The following GNA14 variants were observed in gnomAD, a reference collection of about 807,000 sequenced individuals.
The protein encoded by GNA14 is G protein subunit alpha 14.
A neutral mutation model predicts 42.0 loss-of-function variants in GNA14; 50 were observed. The ratio of observed to expected loss-of-function variants is 1.19; its 90% CI spans 0.95 to 1.51. The LOEUF (loss-of-function observed/expected upper bound fraction) is 1.51. Among genes scored for constraint, GNA14 ranks in the 40% most tolerant of loss-of-function variants. The pLI is 0.00. For synonymous variants in GNA14, 173 were observed against 163.1 expected (o/e 1.06, Z -0.46); for missense variants, 473 against 446.2 (o/e 1.06, Z -0.54).
chr9:77,638,191 A>G (rs1824211561), intron 1 of GNA14, among the ~76,000 whole-genome samples: 1 of 152,206 alleles, frequency 6.6e-6, no homozygotes, highest in Non-Finnish European at 1.5e-5. Context: ...TCATTATTAA[A>G]ACATTGCACC....
At chr9:77,515,145 C>T (rs12005601) in intron 2 of GNA14, among the ~76,000 whole-genome samples, 28,612 of 152,026 alleles carry the variant, frequency 0.19, 2,955 homozygotes, top group East Asian at 0.39. Context: ...AAAAAAATCA[C>T]ATTCCTTTGC....
chr9:77,538,512 T>C (rs1371177506), intron 1 of GNA14, among the ~76,000 whole-genome samples: 1 of 152,218 alleles, frequency 6.6e-6, no homozygotes, highest in Non-Finnish European at 1.5e-5. Context: ...ACCTGTGGAT[T>C]ACTTTTGGAA....
At chr9:77,586,338 G>T (rs1042671924) in intron 1 of GNA14, among the ~76,000 whole-genome samples, 1 of 152,008 alleles carries the variant, frequency 6.6e-6, no homozygotes. Flanking sequence ...TTTAAAAAAG[G>T]TCAAAAAATG....
At chr9:77,445,974 A>G (rs930761439) in intron 2 of GNA14, among the ~76,000 whole-genome samples, 5 of 152,184 alleles carry the variant, frequency 3.3e-5, no homozygotes, top group East Asian at 1.9e-4. Context: ...GTCTGTGCCT[A>G]TCTTCAGAAT....
chr9:77,509,510 T>A (rs940990731), intron 2 of GNA14, among the ~76,000 whole-genome samples: 1 of 152,180 alleles, frequency 6.6e-6, no homozygotes, highest in African/African-American at 2.4e-5. Flanking sequence ...CCCAGTGAGT[T>A]TTCTAAAAAG....
rs1182913068 is a variant in GNA14 at position 77,428,071 on chromosome 9, C to CTTTTTTTTTTT, written c.723+825_723+835dup. 5.4e-5 allele frequency among the ~76,000 whole-genome samples: 7 copies of CTTTTTTTTTTT among 130,676 alleles called. 1 individual carries two copies. In the East Asian group the frequency reaches 9.0e-4, roughly 17 times the overall value. 85.7% of individuals were successfully genotyped at this position (130,676 alleles called of 152,430 possible). On this transcript the variant is annotated intron_variant, in intron 5 of 6. Transcript: ENST00000341700. ...TTCAGTCCAAGAGATGGCATTTTTT[C>CTTTTTTTTTTT]TTTTTTTTTTTCTTTTTTTTTTTTT...
chr9:77,596,789 C>G (rs1322051329), intron 1 of GNA14, among the ~76,000 whole-genome samples: 1 of 152,200 alleles, frequency 6.6e-6, no homozygotes, highest in Non-Finnish European at 1.5e-5. Flanking sequence ...AAATGCATAT[C>G]TGATTGCCTC....
intron 1 of GNA14, among the ~76,000 whole-genome samples, chr9:77,640,742 TA>T (rs1423428434): frequency 6.6e-6 from 1 of 151,406 alleles, no homozygotes; most frequent in Non-Finnish European, 1.5e-5. Context: ...AGATTTTTTT[TA>T]AAAGATCCAG....
intron 1 of GNA14, among the ~76,000 whole-genome samples, chr9:77,549,521 T>C (rs1407757622): frequency 2.6e-5 from 4 of 152,180 alleles, no homozygotes; most frequent in Non-Finnish European, 4.4e-5. Context: ...TTCAGTTGTT[T>C]TGAAATGTTT....
intron 2 of GNA14, among the ~76,000 whole-genome samples, chr9:77,520,795 A>C (rs977383504): frequency 6.6e-6 from 1 of 152,154 alleles, no homozygotes; most frequent in Non-Finnish European, 1.5e-5. Context: ...ATTGTTTGTA[A>C]CTTTACAGGA....
At chr9:77,576,516 C>T (rs1196393301) in intron 1 of GNA14, among the ~76,000 whole-genome samples, 1 of 152,020 alleles carries the variant, frequency 6.6e-6, no homozygotes, top group Non-Finnish European at 1.5e-5. Flanking sequence ...ACAATACTAC[C>T]ACTGAAGAGT....
At chr9:77,479,901 G>A (rs1295545096) in intron 2 of GNA14, among the ~76,000 whole-genome samples, 1 of 152,068 alleles carries the variant, frequency 6.6e-6, no homozygotes, top group Non-Finnish European at 1.5e-5. Context: ...CATTGATTTT[G>A]TATCCTGAGA....
intron 2 of GNA14, among the ~76,000 whole-genome samples, chr9:77,447,682 G>A (rs1234225131): frequency 6.6e-6 from 1 of 152,166 alleles, no homozygotes; most frequent in African/African-American, 2.4e-5. Flanking sequence ...ACTCCAGCAA[G>A]TGAGTACACC....
intron 2 of GNA14, among the ~76,000 whole-genome samples, chr9:77,457,099 A>G (rs961662174): frequency 6.6e-5 from 10 of 152,224 alleles, no homozygotes; most frequent in Non-Finnish European, 1.3e-4. Flanking sequence ...CCTAACACTT[A>G]CAAAGTTTCA....
chr9:77,623,255 G>GAAAAAAAAAAAAAAAAAAAAA (rs1823961117), intron 1 of GNA14, among the ~76,000 whole-genome samples: 10 of 65,300 alleles, frequency 1.5e-4, no homozygotes, highest in Non-Finnish European at 3.2e-4. Context: ...AAAAAAAAAG[G>GAAAAAAAAAAAAAAAAAAAAA]AAAGAAAAAG....
intron 1 of GNA14, among the ~76,000 whole-genome samples, chr9:77,535,371 C>T (rs1837582193): frequency 6.6e-6 from 1 of 152,018 alleles, no homozygotes; most frequent in South Asian, 2.1e-4. Flanking sequence ...GGTGAAACCC[C>T]GTCTCTACTA....
At chr9:77,539,305 C>T (rs769852893) in intron 1 of GNA14, among the ~76,000 whole-genome samples, 5 of 152,094 alleles carry the variant, frequency 3.3e-5, no homozygotes, top group Admixed American at 6.5e-5. Flanking sequence ...TGATATATCA[C>T]GTTTATTGAT....
At chr9:77,485,559 T>A (rs1027497180) in intron 2 of GNA14, among the ~76,000 whole-genome samples, 2 of 152,160 alleles carry the variant, frequency 1.3e-5, no homozygotes, top group Non-Finnish European at 2.9e-5. Context: ...GGCTTTCAAT[T>A]TACTTTGCCC....
intron 2 of GNA14, among the ~76,000 whole-genome samples, chr9:77,447,224 G>C (rs552077219): frequency 6.6e-6 from 1 of 152,102 alleles, no homozygotes; most frequent in Non-Finnish European, 1.5e-5. Context: ...GATTACAGGC[G>C]TGAGCCACCA....
Sources: gnomAD v4.1 joint callset for allele counts (sites outside exome capture counted in the v4.1 genomes callset) on GRCh38, gnomAD v4.1.1 for gene constraint, MANE v1.5 for transcripts, NCBI Gene and HGNC (gene_info 2026-07-23, HGNC 2026-07-21) for gene names.